Variants in PSMD14 observed in about 807,000 individuals in gnomAD.
PSMD14 encodes ubiquitin C-terminal hydrolase PSMD14.
A neutral mutation model predicts 41.2 loss-of-function variants in PSMD14; 7 were observed. The observed-to-expected ratio is 0.17, with a 90% CI of 0.10 to 0.32. The LOEUF is 0.32. Among genes scored for constraint, PSMD14 ranks in the 10% least tolerant of loss-of-function variants. PSMD14 has a pLI of 1.00. For missense variants in PSMD14, 139 were observed against 375.6 expected (o/e 0.37, Z 5.21); for synonymous variants, 114 against 122.3 (o/e 0.93, Z 0.45).
At chr2:161,328,326 A>G (rs1682732802) in intron 3 of PSMD14, among the ~76,000 whole-genome samples, 2 of 152,202 alleles carry the variant, frequency 1.3e-5, no homozygotes, top group African/African-American at 4.8e-5. Flanking sequence ...TAGGTTCTAT[A>G]TACCAATATG....
chr2:161,376,466 A>G (rs980766335), intron 7 of PSMD14, among the ~76,000 whole-genome samples: 3 of 152,062 alleles, frequency 2.0e-5, no homozygotes, highest in Non-Finnish European at 4.4e-5. Flanking sequence ...TGTTTCTGCA[A>G]GTTTTGATAA....
intron 8 of PSMD14, among the ~76,000 whole-genome samples, chr2:161,386,025 C>T (rs1704677301): frequency 6.6e-6 from 1 of 151,646 alleles, no homozygotes; most frequent in South Asian, 2.1e-4. Context: ...TTAAAAAACC[C>T]ACCTTTAAAA....
At chr2:161,311,526 A>G (rs956736866) in intron 1 of PSMD14, among the ~76,000 whole-genome samples, 13 of 150,816 alleles carry the variant, frequency 8.6e-5, no homozygotes, top group African/African-American at 2.9e-4. Flanking sequence ...TGTATCCATG[A>G]TTTTGGTATC....
intron 3 of PSMD14, among the ~76,000 whole-genome samples, chr2:161,366,352 A>G (rs990001157): frequency 6.6e-6 from 1 of 151,806 alleles, no homozygotes; most frequent in Non-Finnish European, 1.5e-5. Flanking sequence ...CAGTAAATAT[A>G]TGAACTTTTA....
At chr2:161,385,844 T>C (rs1683628078) in intron 8 of PSMD14, among the ~76,000 whole-genome samples, 1 of 151,778 alleles carries the variant, frequency 6.6e-6, no homozygotes, top group South Asian at 2.1e-4. Context: ...ATTCTGGCTT[T>C]GCATGGTTAA....
chr2:161,333,633 C>T (rs542772835), intron 3 of PSMD14, among the ~76,000 whole-genome samples: 4 of 152,366 alleles, frequency 2.6e-5, no homozygotes, highest in African/African-American at 9.6e-5. Context: ...GATCTTGTTC[C>T]TATTCTTCTT....
At chr2:161,391,207 GA>G (rs1178042658) in intron 9 of PSMD14, 29 bp downstream of exon 9, 8 of 1,479,978 alleles carry the variant, frequency 5.4e-6, no homozygotes, top group Admixed American at 2.7e-5. Flanking sequence ...CTTATAGGAG[GA>G]AAAAAATCTT....
At chr2:161,394,022 G>A (rs1246063161) in intron 9 of PSMD14, among the ~76,000 whole-genome samples, 1 of 136,894 alleles carries the variant, frequency 7.3e-6, no homozygotes, top group African/African-American at 2.8e-5. Context: ...CCAGGCTGGA[G>A]TGTAGTGGCG....
rs375929917 is a variant in PSMD14, at chr2:161,349,089, G to A, written c.49-18389G>A. Among the ~76,000 whole-genome samples the A allele has an allele frequency of 1.8e-4, 27 of 152,234 alleles. 1 individual carries two copies. The highest frequency in any genetic ancestry group is 1.5e-3 in the East Asian group (8 of 5,180). On this transcript the variant is annotated intron_variant, in intron 3 of 11. Transcript: ENST00000409682. ...TGACCCTTTTGCTCAGTCCGCTGCC[G>A]AATTGGCTTACTATAGGTTGGTGCA...
chr2:161,385,973 A>G (rs1274294562), intron 8 of PSMD14, among the ~76,000 whole-genome samples: 1 of 151,832 alleles, frequency 6.6e-6, no homozygotes, highest in African/African-American at 2.4e-5. Flanking sequence ...ATTTTAAGAT[A>G]TCCCTAGAAG....
At chr2:161,311,492 A>G (rs190305102) in intron 1 of PSMD14, among the ~76,000 whole-genome samples, 3 of 152,272 alleles carry the variant, frequency 2.0e-5, no homozygotes, top group African/African-American at 7.2e-5. Context: ...ATAGGGTACT[A>G]TGCCATTTTA....
intron 3 of PSMD14, among the ~76,000 whole-genome samples, chr2:161,353,917 A>G (rs1395797892): frequency 6.6e-6 from 1 of 152,210 alleles, no homozygotes; most frequent in African/African-American, 2.4e-5. Context: ...CTAGTTAATG[A>G]ATTATGAATT....
chr2:161,397,433 G>C (rs1410183120), intron 10 of PSMD14, among the ~76,000 whole-genome samples: 1 of 152,176 alleles, frequency 6.6e-6, no homozygotes, highest in Non-Finnish European at 1.5e-5. Context: ...TAGTATGGTA[G>C]TACCATTAGC....
At chr2:161,408,622 T>C (rs954633849) in intron 10 of PSMD14, 2 of 475,538 alleles carry the variant, frequency 4.2e-6, no homozygotes, top group Non-Finnish European at 7.7e-6. Context: ...ATACTTTCTG[T>C]GTATTTCTTG....
chr2:161,310,624 A>G (rs1689077284), intron 1 of PSMD14, among the ~76,000 whole-genome samples: 1 of 152,258 alleles, frequency 6.6e-6, no homozygotes, highest in Non-Finnish European at 1.5e-5. Flanking sequence ...AGCAACGACA[A>G]CATTTATTGA....
intron 3 of PSMD14, among the ~76,000 whole-genome samples, chr2:161,328,834 C>G (rs1281705835): frequency 6.6e-6 from 1 of 152,106 alleles, no homozygotes; most frequent in African/African-American, 2.4e-5. Flanking sequence ...TTATAATGTT[C>G]TCTCTTTAGT....
At chr2:161,330,290 G>C (rs1358250639) in intron 3 of PSMD14, among the ~76,000 whole-genome samples, 1 of 152,042 alleles carries the variant, frequency 6.6e-6, no homozygotes, top group East Asian at 1.9e-4. Context: ...TACCATTTTT[G>C]GTAGAAAGTA....
chr2:161,330,283 C>T lies in PSMD14; in HGVS notation c.48+11410C>T, dbSNP rs140820166. Among the ~76,000 whole-genome samples the T allele has an allele frequency of 1.3e-3, 201 of 152,048 alleles. 2 individuals are homozygous for T. The East Asian group carries it at 0.036, about 27-fold the overall frequency. On this transcript the variant is annotated intron_variant, in intron 3 of 11. Coordinates refer to ENST00000409682, the MANE Select transcript of PSMD14 (RefSeq NM_005805.6). ...ATGATGGATTTATGACATCTGATACCATTTTTGGTAGAAAGTATATGGGAA... is the reference window on the plus strand; with the variant it reads ...ATGATGGATTTATGACATCTGATACTATTTTTGGTAGAAAGTATATGGGAA...
intron 5 of PSMD14, among the ~76,000 whole-genome samples, chr2:161,369,419 T>G (rs1683403178): frequency 1.3e-5 from 2 of 152,050 alleles, no homozygotes; most frequent in South Asian, 4.1e-4. Flanking sequence ...GAAAACATTC[T>G]TAGCCTATAA....
Sources: allele counts gnomAD v4.1 joint callset (sites outside exome capture counted in the v4.1 genomes callset), GRCh38; gene constraint gnomAD v4.1.1; transcripts MANE v1.5; gene names NCBI Gene and HGNC (gene_info 2026-07-23, HGNC 2026-07-21).